HORMAD2: variants seen among roughly 807,000 people sequenced by gnomAD.
HORMAD2 encodes the protein HORMA domain-containing protein 2.
Under a neutral mutation model 38.8 loss-of-function variants are expected in HORMAD2, and 45 were observed. The ratio of observed to expected loss-of-function variants is 1.16; its 90% CI spans 0.91 to 1.49. HORMAD2 has a LOEUF of 1.49. HORMAD2 is among the 40% of genes most tolerant of loss of function. The pLI is 0.00. For missense variants in HORMAD2, 338 were observed against 367.0 expected (o/e 0.92, Z 0.65); for synonymous variants, 126 against 122.8 (o/e 1.03, Z -0.17).
the HORMAD2 span, among the ~76,000 whole-genome samples, chr22:30,189,167 G>A: frequency 6.6e-6 from 1 of 151,834 alleles, no homozygotes; most frequent in African/African-American, 2.4e-5. Context: ...TCTGTTTCCA[G>A]TGTTTTGAAA....
chr22:30,095,129 G>A (rs1358429330), intron 2 of HORMAD2, among the ~76,000 whole-genome samples: 1 of 152,044 alleles, frequency 6.6e-6, no homozygotes, highest in African/African-American at 2.4e-5. Flanking sequence ...CAACTACTGG[G>A]TCTTCTTCTG....
chr22:30,165,453 G>C (rs1925718638), intron 10 of HORMAD2, among the ~76,000 whole-genome samples: 1 of 152,078 alleles, frequency 6.6e-6, no homozygotes, highest in South Asian at 2.1e-4. Context: ...ATTTTATTGG[G>C]ATTTTGAGAA....
chr22:30,106,897 C>T (rs1385695070), intron 5 of HORMAD2, among the ~76,000 whole-genome samples: 1 of 152,218 alleles, frequency 6.6e-6, no homozygotes, highest in Non-Finnish European at 1.5e-5. Context: ...TGTTAAAACA[C>T]ATGTTGTGAA....
At position 30,098,909 on chromosome 22, in the gene HORMAD2, A is replaced by G. The variant is rs1920926424; in HGVS notation, c.109A>G (p.Lys37Glu). The change falls in exon 3 of 11, where the codon AAA becomes GAA. Residue 37 changes from lysine to glutamate, a missense_variant. Lys to Glu is a moderately conservative substitution (Grantham distance 56). Coordinates refer to ENST00000336726, the MANE Select transcript of HORMAD2 (RefSeq NM_152510.4). ...NEHESLKMVKKLFATSISCIT... is the reference protein window; with the variant it reads ...NEHESLKMVKELFATSISCIT... ...GCATGAGTCATTGAAAATGGTGAAG[A>G]AACTTTTTGCTACTTCCATCTCATG... The G allele has an allele frequency of 6.2e-7, 1 of 1,613,700 alleles. No individual in the cohort carries two copies. The highest frequency in any genetic ancestry group is 1.3e-5 in the African/African-American group (1 of 75,040).
intron 10 of HORMAD2, among the ~76,000 whole-genome samples, chr22:30,130,389 A>G (rs1041976011): frequency 6.6e-6 from 1 of 152,144 alleles, no homozygotes; most frequent in African/African-American, 2.4e-5. Flanking sequence ...CATATGCTTG[A>G]AACTTAGGAA....
At chr22:30,190,076 T>TA in the HORMAD2 span, among the ~76,000 whole-genome samples, 1 of 152,210 alleles carries the variant, frequency 6.6e-6, no homozygotes, top group Non-Finnish European at 1.5e-5. Context: ...GACCACTTAT[T>TA]AGCCATGTGG....
At chr22:30,088,037 G>GTATACATATGTACACACATATACA (rs146994681) in intron 1 of HORMAD2, among the ~76,000 whole-genome samples, 2 of 139,982 alleles carry the variant, frequency 1.4e-5, no homozygotes, top group Admixed American at 1.4e-4. Context: ...CTGTATATGT[G>GTATACATATGTACACACATATACA]TATACACACG....
At chr22:30,133,548 T>C (rs1270382159) in intron 10 of HORMAD2, among the ~76,000 whole-genome samples, 3 of 150,876 alleles carry the variant, frequency 2.0e-5, no homozygotes. Context: ...GTTACATAGG[T>C]ATACACATGC....
intron 10 of HORMAD2, among the ~76,000 whole-genome samples, chr22:30,133,846 T>G (rs1373639298): frequency 2.0e-5 from 3 of 152,118 alleles, no homozygotes. Flanking sequence ...GTGCCATTTT[T>G]TATAAGGGAT....
At chr22:30,108,053 T>G (rs1921337303) in intron 5 of HORMAD2, among the ~76,000 whole-genome samples, 1 of 151,934 alleles carries the variant, frequency 6.6e-6, no homozygotes. Context: ...ATTTTTAAAG[T>G]AGAGATGGGG....
At chr22:30,172,406 G>C (rs1233035388) in intron 10 of HORMAD2, among the ~76,000 whole-genome samples, 2 of 152,174 alleles carry the variant, frequency 1.3e-5, no homozygotes, top group African/African-American at 4.8e-5. Flanking sequence ...TGTACTTAAT[G>C]TCTCTCCTTT....
intron 5 of HORMAD2, among the ~76,000 whole-genome samples, chr22:30,108,914 C>T (rs1921413909): frequency 6.7e-6 from 1 of 149,760 alleles, no homozygotes; most frequent in Admixed American, 6.6e-5. Flanking sequence ...CTTTCTCTCG[C>T]TCTCTCTTTC....
chr22:30,148,966 G>A (rs781548336), intron 10 of HORMAD2, among the ~76,000 whole-genome samples: 5 of 152,002 alleles, frequency 3.3e-5, no homozygotes, highest in East Asian at 1.9e-4. Context: ...GTGACAGAGC[G>A]AGACTCCGTC....
chr22:30,167,009 A>C (rs894176657), intron 10 of HORMAD2, among the ~76,000 whole-genome samples: 2 of 152,222 alleles, frequency 1.3e-5, no homozygotes, highest in Non-Finnish European at 2.9e-5. Flanking sequence ...TTCTCTCACA[A>C]TTCTGGATGC....
the HORMAD2 span, among the ~76,000 whole-genome samples, chr22:30,204,559 A>G: frequency 6.6e-6 from 1 of 151,708 alleles, no homozygotes; most frequent in Non-Finnish European, 1.5e-5. Flanking sequence ...CAAATGTGAA[A>G]CTCTAGGCCT....
At chr22:30,110,448 T>A (rs986317672) in intron 5 of HORMAD2, among the ~76,000 whole-genome samples, 1 of 148,002 alleles carries the variant, frequency 6.8e-6, no homozygotes, top group Non-Finnish European at 1.5e-5. Flanking sequence ...TGCAATGGCG[T>A]GATCTCAGCT....
At chr22:30,093,851 G>T in intron 1 of HORMAD2, 65 bp from the exon 2 acceptor site, 2 of 699,242 alleles carry the variant, frequency 2.9e-6, no homozygotes, top group Non-Finnish European at 2.3e-6. Flanking sequence ...TTCATTTTTG[G>T]GCAGAGTAAG....
chr22:30,113,256 T>A (rs898570661), intron 7 of HORMAD2, among the ~76,000 whole-genome samples: 5 of 152,090 alleles, frequency 3.3e-5, no homozygotes, highest in African/African-American at 1.2e-4. Context: ...TTTTCTTTTT[T>A]CTTTTTTTAG....
At chr22:30,088,092 C>T (rs1037365236) in intron 1 of HORMAD2, among the ~76,000 whole-genome samples, 29 of 151,380 alleles carry the variant, frequency 1.9e-4, no homozygotes, top group African/African-American at 4.1e-4. Flanking sequence ...TGTACATATA[C>T]ACACACGTAC....
Sources: gnomAD v4.1 joint callset for allele counts (sites outside exome capture counted in the v4.1 genomes callset) on GRCh38, gnomAD v4.1.1 for gene constraint, MANE v1.5 for transcripts, NCBI Gene and HGNC (gene_info 2026-07-23, HGNC 2026-07-21) for gene names.